SYK: variants seen among roughly 807,000 people sequenced by gnomAD.
SYK encodes the protein tyrosine-protein kinase SYK.
In SYK, 16 loss-of-function variants were observed where a neutral mutation model predicts 77.8. The ratio of observed to expected loss-of-function variants is 0.21; its 90% CI spans 0.14 to 0.31. The LOEUF is 0.31. Among genes scored for constraint, SYK ranks in the 10% least tolerant of loss-of-function variants. SYK has a pLI of 1.00. For synonymous variants in SYK, 312 were observed against 308.7 expected (o/e 1.01, Z -0.11); for missense variants, 529 against 814.4 (o/e 0.65, Z 4.26).
chr9:90,805,739 G>A (rs1352966600), intron 1 of SYK, among the ~76,000 whole-genome samples: 1 of 152,158 alleles, frequency 6.6e-6, no homozygotes, highest in Non-Finnish European at 1.5e-5. Context: ...ACATGAAAAT[G>A]TTTTGGTGTG....
rs533554626 is a variant in SYK, at chr9:90,824,694, C to A, written c.-41-19164C>A. On this transcript the variant is annotated intron_variant, in intron 1 of 13. Coordinates refer to ENST00000375754, the MANE Select transcript of SYK (RefSeq NM_003177.7). The stretch of plus-strand genomic sequence containing the variant: ...CACTCTTTCATGTCAAAAAAAAAAT[C>A]TTAAACTAGGAATAGAGGAAAACTT... Among the ~76,000 whole-genome samples, 7 of 151,500 alleles carry A rather than the reference C, an allele frequency of 4.6e-5. No homozygotes were observed. The South Asian group carries it at 1.5e-3, about 32-fold the overall frequency.
At chr9:90,888,294 G>T (rs544830470) in intron 12 of SYK, among the ~76,000 whole-genome samples, 1 of 152,296 alleles carries the variant, frequency 6.6e-6, no homozygotes, top group African/African-American at 2.4e-5. Context: ...GCCCCCAGAT[G>T]AAGAACAGAA....
chr9:90,874,443 C>T, intron 8 of SYK, 152 bp downstream of exon 8: 1 of 907,730 alleles, frequency 1.1e-6, no homozygotes, highest in Non-Finnish European at 1.7e-6. Flanking sequence ...TGGCAGGCAG[C>T]AGGCACCACA....
chr9:90,829,546 C>A (rs1189548752), intron 1 of SYK, among the ~76,000 whole-genome samples: 2 of 152,144 alleles, frequency 1.3e-5, no homozygotes, highest in Non-Finnish European at 2.9e-5. Context: ...TAGTAGAGAA[C>A]CTGGAAATCA....
Position 90,874,784 on chromosome 9 carries a change from G to A in SYK, c.1116G>A (p.Leu372=), listed in dbSNP as rs2118870738. Residue 372 remains leucine, a synonymous_variant, in exon 9 of 14, where the codon CTG becomes CTA. Coordinates refer to ENST00000375754, the MANE Select transcript of SYK (RefSeq NM_003177.7). ...EVYLDRKLLT[L]EDKELGSGNF... Reference sequence around the variant, plus strand: ...ACCTGGACCGAAAGCTGCTGACGCTGGAAGACAAAGAACTGGGCTCTGGTA... The same window carrying A: ...ACCTGGACCGAAAGCTGCTGACGCTAGAAGACAAAGAACTGGGCTCTGGTA... 6.2e-7 allele frequency: 1 copy of A among 1,614,066 alleles called. No individual in the cohort carries two copies. Among genetic ancestry groups the A allele is most frequent in the Non-Finnish European group, 8.5e-7 (1 of 1,180,024 alleles).
chr9:90,854,132 G>T (rs1007204433), intron 3 of SYK, among the ~76,000 whole-genome samples: 1 of 152,148 alleles, frequency 6.6e-6, no homozygotes, highest in Non-Finnish European at 1.5e-5. Context: ...ATGGATGGTG[G>T]CAGAGTTTTC....
rs1828357022 is a variant in SYK, at chr9:90,884,444, T to TACATAC, written c.1582-3293_1582-3288dup. ...ACATATACACATATGTGTGTACATA[T>TACATAC]ACATACACATACACATATGTGTGTA... On this transcript the variant is annotated intron_variant, in intron 11 of 13. Transcript: ENST00000375754. 2.2e-5 allele frequency among the ~76,000 whole-genome samples: 2 copies of TACATAC among 91,292 alleles called. 1 individual carries two copies. Among genetic ancestry groups the TACATAC allele is most frequent in the Non-Finnish European group, 4.7e-5 (2 of 42,726 alleles). 59.9% of individuals were successfully genotyped at this position (91,292 alleles called of 152,430 possible). A position where few individuals can be genotyped will look rare whatever the true frequency, so the allele number is the denominator to read the frequency against.
At chr9:90,832,031 A>G (rs1056780416) in intron 1 of SYK, among the ~76,000 whole-genome samples, 2 of 152,238 alleles carry the variant, frequency 1.3e-5, no homozygotes, top group African/African-American at 2.4e-5. Context: ...TGAATCAACA[A>G]TATATATGAA....
At chr9:90,891,049 G>T (rs770169387) in intron 13 of SYK, among the ~76,000 whole-genome samples, 29 of 151,982 alleles carry the variant, frequency 1.9e-4, no homozygotes, top group South Asian at 4.1e-4. Context: ...GGACAGCCAG[G>T]CCATTTACAT....
At chr9:90,890,085 A>G (rs1587927179) in intron 13 of SYK, among the ~76,000 whole-genome samples, 1 of 152,194 alleles carries the variant, frequency 6.6e-6, no homozygotes, top group South Asian at 2.1e-4. Context: ...GAGTTTTTGC[A>G]TTTAACGTTG....
chr9:90,816,215 C>T (rs997968063), intron 1 of SYK, among the ~76,000 whole-genome samples: 1 of 152,152 alleles, frequency 6.6e-6, no homozygotes, highest in Non-Finnish European at 1.5e-5. Context: ...TGGGCATTGG[C>T]AGTTTTAGGA....
intron 1 of SYK, among the ~76,000 whole-genome samples, chr9:90,809,438 G>A (rs915954850): frequency 6.6e-6 from 1 of 151,880 alleles, no homozygotes; most frequent in East Asian, 1.9e-4. Flanking sequence ...AGGATCTGCT[G>A]TCCTGCCTAA....
At chr9:90,806,800 A>G (rs1030790461) in intron 1 of SYK, among the ~76,000 whole-genome samples, 2 of 149,364 alleles carry the variant, frequency 1.3e-5, no homozygotes, top group African/African-American at 2.5e-5. Context: ...TTTTAACTCC[A>G]CTTTAACAGT....
At position 90,893,722 on chromosome 9, in the gene SYK, G is replaced by T. The variant is rs573930797; in HGVS notation, c.1836-1806G>T. ...AAAAGAGAACAGAAAATTATGGGGA[G>T]GGAAGCCTCACACTTCCAGCAGGGG... On this transcript the variant is annotated intron_variant, in intron 13 of 13. Transcript: ENST00000375754. Among the ~76,000 whole-genome samples the T allele has an allele frequency of 2.6e-5, 4 of 152,326 alleles. No individual in the cohort carries two copies. The East Asian group carries it at 5.8e-4, about 22-fold the overall frequency.
Position 90,898,044 on chromosome 9 carries a change from G to A in SYK, c.*2444G>A, listed in dbSNP as rs200305022. On this transcript the variant is annotated 3_prime_UTR_variant, in exon 14 of 14. Coordinates refer to ENST00000375754, the MANE Select transcript of SYK (RefSeq NM_003177.7). ...GATTCTCATACCCAGGCTGCCCCTT[G>A]GATTGTTCTACCCAAGCTTTTCCCT... The A allele has an allele frequency of 2.2e-5, 5 of 228,158 alleles. No homozygotes were observed. The highest frequency in any genetic ancestry group is 4.3e-5 in the Non-Finnish European group (5 of 115,000). The allele number at this position is 228,158 out of a possible 1,614,324, so 14.1% of individuals were successfully genotyped here.
chr9:90,839,016 C>T (rs1305974635), intron 1 of SYK, among the ~76,000 whole-genome samples: 1 of 152,178 alleles, frequency 6.6e-6, no homozygotes, highest in East Asian at 1.9e-4. Context: ...TCTGGATTTG[C>T]CATACTGACT....
At chr9:90,882,131 G>A (rs1828181446) in intron 11 of SYK, among the ~76,000 whole-genome samples, 1 of 152,192 alleles carries the variant, frequency 6.6e-6, no homozygotes, top group East Asian at 1.9e-4. Context: ...CATGTATCTA[G>A]GTTATTCTGA....
At chr9:90,864,032 A>T (rs1466566040) in intron 4 of SYK, among the ~76,000 whole-genome samples, 1 of 152,200 alleles carries the variant, frequency 6.6e-6, no homozygotes, top group Non-Finnish European at 1.5e-5. Flanking sequence ...CTACGTCAAA[A>T]ATGCCAGCAA....
At chr9:90,834,760 C>A (rs764488850) in intron 1 of SYK, among the ~76,000 whole-genome samples, 47 of 152,302 alleles carry the variant, frequency 3.1e-4, no homozygotes, top group Middle Eastern at 3.4e-3. Flanking sequence ...CCCTTCTTTT[C>A]TGTAGTTCAT....
Sources: gnomAD v4.1 joint callset for allele counts (sites outside exome capture counted in the v4.1 genomes callset) on GRCh38, gnomAD v4.1.1 for gene constraint, MANE v1.5 for transcripts, NCBI Gene and HGNC (gene_info 2026-07-23, HGNC 2026-07-21) for gene names.